The following ATP11A variants were observed in gnomAD, a reference collection of about 807,000 sequenced individuals.
ATP11A encodes ATPase phospholipid transporting 11A, also known as phospholipid-transporting ATPase IH.
ATP11A carries 81 observed loss-of-function variants against 154.4 expected under a neutral mutation model. The ratio of observed to expected loss-of-function variants is 0.52; its 90% CI spans 0.44 to 0.63. ATP11A has a LOEUF of 0.63. Among genes scored for constraint, ATP11A ranks in the 30% least tolerant of loss-of-function variants. The pLI is 0.00. For synonymous variants in ATP11A, 623 were observed against 585.9 expected (o/e 1.06, Z -0.91); for missense variants, 1,316 against 1,474.3 (o/e 0.89, Z 1.76).
rs181939265 is a variant in ATP11A, at chr13:112,696,522, C to G, written c.39+6067C>G. Among the ~76,000 whole-genome samples the G allele has an allele frequency of 7.8e-4, 119 of 152,250 alleles. No individual in the cohort carries two copies. The highest frequency in any genetic ancestry group is 2.7e-3 in the African/African-American group (114 of 41,542). ...TCTCTCCCTCTCTGAGTGACACTGT[C>G]TGCCCTGCTGCTTGCCGTCCCGCTG... is the stretch of plus-strand genomic sequence containing the variant. On this transcript the variant is annotated intron_variant, in intron 1 of 29. Coordinates refer to ENST00000375645, the MANE Select transcript of ATP11A (RefSeq NM_015205.3). This position sits in a 1 kb window ranked among gnomAD's most constrained non-coding sequence, Gnocchi z 6.2.
intron 14 of ATP11A, among the ~76,000 whole-genome samples, chr13:112,833,905 T>C (rs1228546948): frequency 6.6e-6 from 1 of 152,190 alleles, no homozygotes; most frequent in Non-Finnish European, 1.5e-5. Context: ...CCTGAAGCTT[T>C]TCCTCCAGCC....
At chr13:112,800,140 C>T (rs1437800246) in intron 2 of ATP11A, among the ~76,000 whole-genome samples, 1 of 151,018 alleles carries the variant, frequency 6.6e-6, no homozygotes, top group African/African-American at 2.4e-5. Context: ...AATTAATAAT[C>T]AACATTAGAA....
intron 1 of ATP11A, among the ~76,000 whole-genome samples, chr13:112,738,460 A>C (rs1235410309): frequency 1.3e-5 from 2 of 152,240 alleles, no homozygotes; most frequent in Admixed American, 6.5e-5. Flanking sequence ...GTATTGAACG[A>C]ACCTGAGATT....
At chr13:112,847,349 A>G (rs2079639257) in intron 17 of ATP11A, among the ~76,000 whole-genome samples, 1 of 152,144 alleles carries the variant, frequency 6.6e-6, no homozygotes, top group African/African-American at 2.4e-5. Flanking sequence ...GATGATGAAG[A>G]TTTGCCACCA....
At chr13:112,767,501 A>G (rs2077122195) in intron 1 of ATP11A, among the ~76,000 whole-genome samples, 1 of 102,786 alleles carries the variant, frequency 9.7e-6, no homozygotes, top group Non-Finnish European at 2.0e-5. Flanking sequence ...AAAGGTGGGG[A>G]GGATGTAGGG....
intron 2 of ATP11A, among the ~76,000 whole-genome samples, chr13:112,803,587 CGTT>C (rs2078195835): frequency 2.0e-5 from 3 of 152,038 alleles, no homozygotes; most frequent in Non-Finnish European, 2.9e-5. Context: ...ACATCTGGGA[CGTT>C]GTTGTTTTCA....
chr13:112,794,718 A>C (rs1170580279), intron 2 of ATP11A, among the ~76,000 whole-genome samples: 1 of 152,072 alleles, frequency 6.6e-6, no homozygotes, highest in Non-Finnish European at 1.5e-5. Flanking sequence ...AAAATAAAAA[A>C]TTAACTGCGT....
intron 1 of ATP11A, among the ~76,000 whole-genome samples, chr13:112,705,375 C>T (rs796095204): frequency 4.5e-4 from 68 of 152,236 alleles, no homozygotes; most frequent in African/African-American, 1.5e-3. Context: ...CCTCAGCACG[C>T]GGGGGTGCTC....
At chr13:112,775,523 G>T (rs1451896593) in intron 1 of ATP11A, among the ~76,000 whole-genome samples, 1 of 152,142 alleles carries the variant, frequency 6.6e-6, no homozygotes, top group African/African-American at 2.4e-5. Context: ...CCTACTTACC[G>T]TTGCCAGAGT....
At chr13:112,828,218 T>C (rs417535) in intron 12 of ATP11A, among the ~76,000 whole-genome samples, 76,277 of 124,252 alleles carry the variant, frequency 0.61, 23,496 homozygotes, top group African/African-American at 0.72. Flanking sequence ...CGCCCAGCAG[T>C]GTTGAGTGCA....
intron 1 of ATP11A, among the ~76,000 whole-genome samples, chr13:112,729,647 CTGAG>C (rs1028325950): frequency 1.3e-4 from 20 of 152,250 alleles, no homozygotes; most frequent in African/African-American, 4.6e-4. Context: ...TGTAACACGT[CTGAG>C]TGTGAACAGC....
At chr13:112,834,524 A>G in intron 14 of ATP11A, 65 bp from the exon 15 acceptor site, 2 of 1,068,088 alleles carry the variant, frequency 1.9e-6, no homozygotes, top group Non-Finnish European at 2.9e-6. Flanking sequence ...ATATAAAGCA[A>G]ATACTCTATG....
chr13:112,756,882 A>G (rs980281705), intron 1 of ATP11A, among the ~76,000 whole-genome samples: 1 of 151,808 alleles, frequency 6.6e-6, no homozygotes, highest in Non-Finnish European at 1.5e-5. Flanking sequence ...GTCTGCTCCC[A>G]GCACGGGGCC....
intron 1 of ATP11A, among the ~76,000 whole-genome samples, chr13:112,723,294 C>A (rs1889412946): frequency 4.5e-5 from 1 of 22,434 alleles, no homozygotes; most frequent in Admixed American, 3.5e-4. Flanking sequence ...TTCCCCACCT[C>A]CCCCCGCCCT....
rs527704145 is a variant in ATP11A, at chr13:112,691,900, T to A, written c.39+1445T>A. ...AAGCCTTAGGAAGGTCAGCCTGACT[T>A]ACTTAAGTGGAGAGAACTCACCCCT... On this transcript the variant is annotated intron_variant, in intron 1 of 29. Transcript: ENST00000375645. Among the ~76,000 whole-genome samples, 81 of 152,210 alleles carry A rather than the reference T, an allele frequency of 5.3e-4. No homozygotes were observed. In the South Asian group the frequency reaches 7.9e-3, roughly 15 times the overall value.
chr13:112,723,284 T>C, intron 1 of ATP11A, among the ~76,000 whole-genome samples: 1 of 22,436 alleles, frequency 4.5e-5, no homozygotes, highest in Non-Finnish European at 8.8e-5. Flanking sequence ...TGCCACAGAG[T>C]TCCCCACCTC....
intron 2 of ATP11A, among the ~76,000 whole-genome samples, chr13:112,801,504 C>G (rs1056418158): frequency 6.6e-6 from 1 of 152,220 alleles, no homozygotes; most frequent in Non-Finnish European, 1.5e-5. Context: ...ATAAGACTAT[C>G]TTTGTTCACA....
chr13:112,871,322 A>G (rs1465297276), intron 25 of ATP11A, among the ~76,000 whole-genome samples: 2 of 152,216 alleles, frequency 1.3e-5, no homozygotes, highest in African/African-American at 4.8e-5. Context: ...CACAAAACAG[A>G]AAAAGGAGGT....
At chr13:112,825,959 A>C (rs1224311179) in intron 11 of ATP11A, among the ~76,000 whole-genome samples, 2 of 152,180 alleles carry the variant, frequency 1.3e-5, no homozygotes, top group Non-Finnish European at 2.9e-5. Flanking sequence ...CCATGTGCAA[A>C]CCGAGACCTG....
Sources: allele counts gnomAD v4.1 joint callset (sites outside exome capture counted in the v4.1 genomes callset), GRCh38; gene constraint gnomAD v4.1.1; non-coding constraint Gnocchi (gnomAD v3.1); transcripts MANE v1.5; gene names NCBI Gene and HGNC (gene_info 2026-07-23, HGNC 2026-07-21).